The following TBC1D9 variants were observed in gnomAD, a reference collection of about 807,000 sequenced individuals.
The protein encoded by TBC1D9 is TBC1 domain family member 9A.
A neutral mutation model predicts 132.0 loss-of-function variants in TBC1D9; 63 were observed. That is an observed-to-expected ratio of 0.48 (90% CI 0.39 to 0.59). TBC1D9 has a LOEUF of 0.59. TBC1D9 is among the 20% of genes least tolerant of loss of function. TBC1D9 has a pLI of 0.00. For synonymous variants in TBC1D9, 610 were observed against 609.9 expected, an observed-to-expected ratio of 1.00 and a Z score of 0.00; for missense variants, 1,261 against 1,592.7, an observed-to-expected ratio of 0.79 and a Z score of 3.54.
chr4:140,697,279 G>A (rs564552189), intron 2 of TBC1D9, among the ~76,000 whole-genome samples: 128 of 152,304 alleles, frequency 8.4e-4, no homozygotes, highest in African/African-American at 2.7e-3. Context: ...CTACCTGGGA[G>A]GTGGAGGTGG....
intron 16 of TBC1D9, among the ~76,000 whole-genome samples, chr4:140,633,404 C>T (rs1357765003): frequency 6.6e-6 from 1 of 152,150 alleles, no homozygotes; most frequent in Non-Finnish European, 1.5e-5. Flanking sequence ...TAGCTGCCCT[C>T]ATGCTGTGGT....
intron 1 of TBC1D9, among the ~76,000 whole-genome samples, chr4:140,738,590 C>T (rs913963904): frequency 3.9e-5 from 6 of 152,198 alleles, no homozygotes; most frequent in African/African-American, 1.4e-4. Context: ...TCAACCTTGG[C>T]AAAATAAACC....
chr4:140,645,101 G>T, intron 13 of TBC1D9: 1 of 547,846 alleles, frequency 1.8e-6, no homozygotes. Context: ...GGAGGTTGGG[G>T]TTCAGGCCTT....
intron 13 of TBC1D9, among the ~76,000 whole-genome samples, chr4:140,647,161 T>C (rs1485158890): frequency 6.6e-6 from 1 of 152,252 alleles, no homozygotes; most frequent in Non-Finnish European, 1.5e-5. Flanking sequence ...GACAGTTTTA[T>C]TGTACCTACA....
intron 1 of TBC1D9, among the ~76,000 whole-genome samples, chr4:140,734,014 T>C (rs1486292643): frequency 6.6e-6 from 1 of 152,214 alleles, no homozygotes; most frequent in Non-Finnish European, 1.5e-5. Context: ...GGCTCTTTCA[T>C]GTATACTATC....
At position 140,634,155 on chromosome 4, in the gene TBC1D9, T is replaced by C. The variant is rs763916458; in HGVS notation, c.2539A>G (p.Ser847Gly). Residue 847 changes from serine to glycine, a missense_variant, in exon 16 of 21, where the codon AGC becomes GGC. Ser to Gly is a moderately conservative substitution (Grantham distance 56). Around this residue, in one of 3 missense-constraint regions of TBC1D9, gnomAD observed 618 missense variants for 724.4 expected, o/e 0.85. Coordinates refer to ENST00000442267, the MANE Select transcript of TBC1D9 (RefSeq NM_015130.3). ...TCATGCCGGTCCAGCGCGTTGCTGC[T>C]CCCGCCCCAGTAGCAGCTGGTGAGA... ...EHLTSCYWGG[S>G]SNALDRHDPS... 2 of 1,613,694 alleles carry C rather than the reference T, an allele frequency of 1.2e-6. No homozygotes were observed. The highest frequency in any genetic ancestry group is 2.2e-5 in the East Asian group (1 of 44,882).
chr4:140,659,800 G>A (rs771442722), intron 10 of TBC1D9, 95 bp from the exon 11 acceptor site: 4 of 828,942 alleles, frequency 4.8e-6, no homozygotes, highest in East Asian at 2.7e-5. Flanking sequence ...CACAAGGGCT[G>A]GCAAACCTTT....
At chr4:140,672,159 G>A (rs531990546) in intron 6 of TBC1D9, among the ~76,000 whole-genome samples, 1 of 151,430 alleles carries the variant, frequency 6.6e-6, no homozygotes, top group African/African-American at 2.4e-5. Flanking sequence ...CAGAATATAT[G>A]TGTTAGAGTA....
intron 2 of TBC1D9, among the ~76,000 whole-genome samples, chr4:140,700,314 G>A (rs978126963): frequency 6.6e-6 from 1 of 151,688 alleles, no homozygotes; most frequent in African/African-American, 2.4e-5. Flanking sequence ...GCTGGGCGTG[G>A]TGGCATGAGC....
chr4:140,738,372 T>C (rs1738709078), intron 1 of TBC1D9, among the ~76,000 whole-genome samples: 2 of 152,208 alleles, frequency 1.3e-5, no homozygotes, highest in Admixed American at 1.3e-4. Flanking sequence ...CCCTTTCTTT[T>C]CACATGTAAA....
Position 140,678,932 on chromosome 4 carries a change from T to C in TBC1D9, c.851+10A>G, listed in dbSNP as rs1737664583. 1 of 1,612,698 alleles carries C rather than the reference T, an allele frequency of 6.2e-7. No homozygotes were observed. Among genetic ancestry groups the C allele is most frequent in the African/African-American group, 1.3e-5 (1 of 74,876 alleles). On this transcript the variant is annotated intron_variant, in intron 5 of 20. Transcript: ENST00000442267. Reference sequence around the variant, plus strand: ...TAAAGTCTGGAAGATACAAGGTCTCTATCACCCACCGTTTTAGAGCAGACA... The same window carrying C: ...TAAAGTCTGGAAGATACAAGGTCTCCATCACCCACCGTTTTAGAGCAGACA...
chr4:140,644,562 C>T (rs1737070349), intron 13 of TBC1D9: 2 of 311,840 alleles, frequency 6.4e-6, no homozygotes, highest in Non-Finnish European at 1.2e-5. Context: ...CCCCCGGCCC[C>T]CAGGCCCCAG....
intron 1 of TBC1D9, among the ~76,000 whole-genome samples, chr4:140,735,449 C>T (rs552611982): frequency 2.9e-4 from 44 of 152,306 alleles, no homozygotes; most frequent in African/African-American, 9.9e-4. Flanking sequence ...TGGTAGCTCA[C>T]GCCTGTAATT....
At chr4:140,636,212 G>C (rs1736877131) in intron 15 of TBC1D9, among the ~76,000 whole-genome samples, 1 of 152,168 alleles carries the variant, frequency 6.6e-6, no homozygotes, top group South Asian at 2.1e-4. Context: ...AATTTGGAAA[G>C]AGTTCAAGAG....
intron 1 of TBC1D9, among the ~76,000 whole-genome samples, chr4:140,703,552 A>G (rs542001538): frequency 7.2e-5 from 11 of 152,306 alleles, no homozygotes; most frequent in Non-Finnish European, 1.6e-4. Context: ...TAAAGTGGTC[A>G]TAACTGCCCT....
intron 1 of TBC1D9, among the ~76,000 whole-genome samples, chr4:140,712,016 G>A (rs1254825186): frequency 6.6e-6 from 1 of 151,972 alleles, no homozygotes; most frequent in East Asian, 1.9e-4. Context: ...TTTATTTTGG[G>A]CTTTTTTTAC....
intron 2 of TBC1D9, among the ~76,000 whole-genome samples, chr4:140,687,636 A>G (rs1467161484): frequency 6.6e-6 from 1 of 151,936 alleles, no homozygotes; most frequent in African/African-American, 2.4e-5. Context: ...CAGAACTAAA[A>G]TCGCTGAGAG....
chr4:140,701,547 C>T lies in TBC1D9; in HGVS notation c.198G>A (p.Leu66=), dbSNP rs777405651. 7 of 1,613,818 alleles carry T rather than the reference C, an allele frequency of 4.3e-6. No individual in the cohort carries two copies. Among genetic ancestry groups the T allele is most frequent in the African/African-American group, 4.0e-5 (3 of 74,914 alleles). The part of the protein sequence containing the change: ...SSARVAPYRI[L]YQTPDSLVYW... ...AGACCAGGGAGTCTGGAGTCTGGTA[C>T]AAGATTCGGTAAGGAGCGACCCGGG... is the stretch of plus-strand genomic sequence containing the variant. The change falls in exon 2 of 21, where the codon TTG becomes TTA. Residue 66 remains leucine (L), a synonymous_variant. Coordinates refer to ENST00000442267, the MANE Select transcript of TBC1D9 (RefSeq NM_015130.3).
chr4:140,702,816 A>C (rs1321553320), intron 1 of TBC1D9, among the ~76,000 whole-genome samples: 1 of 152,234 alleles, frequency 6.6e-6, no homozygotes, highest in Non-Finnish European at 1.5e-5. Context: ...CATAATGTAA[A>C]TGCCCACAGT....
Sources: gnomAD v4.1 joint callset for allele counts (sites outside exome capture counted in the v4.1 genomes callset) on GRCh38, gnomAD v4.1.1 for gene constraint, gnomAD v4.1.1 regional missense constraint, MANE v1.5 for transcripts, NCBI Gene and HGNC (gene_info 2026-07-23, HGNC 2026-07-21) for gene names.